Variants in PRKG1 observed in about 807,000 individuals in gnomAD.
PRKG1 encodes the protein cGMP-dependent protein kinase 1.
A neutral mutation model predicts 88.1 loss-of-function variants in PRKG1; 35 were observed. That is an observed-to-expected ratio of 0.40 (90% CI 0.30 to 0.53). The LOEUF is 0.53. PRKG1 is among the 20% of genes least tolerant of loss of function. PRKG1 has a pLI of 0.59. For missense variants in PRKG1, 540 were observed against 839.8 expected (o/e 0.64, Z 4.41); for synonymous variants, 303 against 292.5 (o/e 1.04, Z -0.37).
chr10:51,100,938 A>G (rs1483900201), intron 1 of PRKG1, among the ~76,000 whole-genome samples: 1 of 152,156 alleles, frequency 6.6e-6, no homozygotes, highest in South Asian at 2.1e-4. Context: ...TCTTCTTTCT[A>G]TGCCTCTTGT....
intron 3 of PRKG1, among the ~76,000 whole-genome samples, chr10:51,730,572 A>T (rs1842248275): frequency 6.6e-6 from 1 of 152,162 alleles, no homozygotes; most frequent in Non-Finnish European, 1.5e-5. Flanking sequence ...TATTGCAATA[A>T]ATTAAACTAG....
intron 9 of PRKG1, among the ~76,000 whole-genome samples, chr10:52,235,418 C>T (rs1457656146): frequency 1.4e-5 from 2 of 138,498 alleles, no homozygotes; most frequent in African/African-American, 5.4e-5. Flanking sequence ...ATTCAGGAAA[C>T]CCATCTCACG....
chr10:51,290,227 G>A (rs552721169), intron 2 of PRKG1, among the ~76,000 whole-genome samples: 2 of 152,048 alleles, frequency 1.3e-5, no homozygotes, highest in South Asian at 2.1e-4. Flanking sequence ...AACACAGAGC[G>A]AGATGCTGTC....
intron 4 of PRKG1, among the ~76,000 whole-genome samples, chr10:51,896,793 C>A (rs539522880): frequency 2.6e-5 from 4 of 151,766 alleles, no homozygotes; most frequent in African/African-American, 9.7e-5. Context: ...ACCCAGTATA[C>A]AATTCTCCAG....
At chr10:51,168,570 A>G (rs1026581591) in intron 2 of PRKG1, among the ~76,000 whole-genome samples, 4 of 152,194 alleles carry the variant, frequency 2.6e-5, no homozygotes, top group Admixed American at 6.5e-5. Flanking sequence ...ATTTAATAGC[A>G]TAAGGAAGTC....
In PRKG1 at chr10:51,146,013, G is replaced by GA. The variant is rs1845938114; in HGVS notation, c.312-7145dup. On this transcript the variant is annotated intron_variant, in intron 1 of 17. Coordinates refer to ENST00000373980, the MANE Select transcript of PRKG1 (RefSeq NM_006258.4). ...GAAACCCCGTTTCTACTAAAAATAC[G>GA]AAAAAACAAACAAACAAACAAAAAA... Among the ~76,000 whole-genome samples, 4 of 151,462 alleles carry GA rather than the reference G, an allele frequency of 2.6e-5. No homozygotes were observed. In the South Asian group the frequency reaches 8.4e-4, roughly 32 times the overall value.
intron 3 of PRKG1, among the ~76,000 whole-genome samples, chr10:51,725,176 A>G (rs1303270137): frequency 6.6e-6 from 1 of 152,192 alleles, no homozygotes; most frequent in Non-Finnish European, 1.5e-5. Flanking sequence ...TCAAGGTGTT[A>G]CCAATAGTTT....
At chr10:51,510,744 ATTTT>A (rs71459420) in intron 3 of PRKG1, among the ~76,000 whole-genome samples, 1 of 134,184 alleles carries the variant, frequency 7.5e-6, no homozygotes, top group Non-Finnish European at 1.6e-5. Flanking sequence ...GCATTGTACT[ATTTT>A]TTTTTTTTTT....
At chr10:51,634,306 G>C (rs561348849) in intron 3 of PRKG1, among the ~76,000 whole-genome samples, 28 of 152,094 alleles carry the variant, frequency 1.8e-4, no homozygotes, top group Non-Finnish European at 3.7e-4. Flanking sequence ...TACATTGTGG[G>C]CTTTGCTAAG....
intron 7 of PRKG1, among the ~76,000 whole-genome samples, chr10:52,085,636 C>T (rs1186329605): frequency 6.6e-6 from 1 of 152,022 alleles, no homozygotes; most frequent in Non-Finnish European, 1.5e-5. Flanking sequence ...GCTATAAGAG[C>T]CCTGATTCTT....
At chr10:51,323,516 A>T (rs1841506682) in intron 2 of PRKG1, among the ~76,000 whole-genome samples, 3 of 152,240 alleles carry the variant, frequency 2.0e-5, no homozygotes, top group Admixed American at 2.0e-4. Context: ...TAATAACTGC[A>T]ATAGATTAAT....
chr10:51,805,124 T>C (rs1185694211), intron 4 of PRKG1, among the ~76,000 whole-genome samples: 2 of 152,118 alleles, frequency 1.3e-5, no homozygotes, highest in Non-Finnish European at 2.9e-5. Flanking sequence ...TCATCTCTTG[T>C]GTGAGTTTCC....
intron 5 of PRKG1, among the ~76,000 whole-genome samples, chr10:52,000,962 G>A (rs1036261336): frequency 2.0e-5 from 3 of 151,964 alleles, no homozygotes; most frequent in South Asian, 4.1e-4. Context: ...AATTTTTTGA[G>A]TTGTACCCTG....
intron 3 of PRKG1, among the ~76,000 whole-genome samples, chr10:51,468,523 T>A (rs10997657): frequency 0.16 from 24,474 of 151,560 alleles, 2,458 homozygotes; most frequent in Non-Finnish European, 0.22. Flanking sequence ...AAGATTTTTT[T>A]AAAAAAAATC....
chr10:51,513,005 G>A lies in PRKG1; in HGVS notation c.592+45169G>A, dbSNP rs1841462794. On this transcript the variant is annotated intron_variant, in intron 3 of 17. Coordinates refer to ENST00000373980, the MANE Select transcript of PRKG1 (RefSeq NM_006258.4). Reference sequence around the variant, plus strand: ...GCATAAATGTCTTCTTTTGAGAAGTGTCTGTTCATGTCCTTCGCCCACTTT... The same window carrying A: ...GCATAAATGTCTTCTTTTGAGAAGTATCTGTTCATGTCCTTCGCCCACTTT... Among the ~76,000 whole-genome samples, 5 of 148,770 alleles carry A rather than the reference G, an allele frequency of 3.4e-5. No homozygotes were observed. In the South Asian group the frequency reaches 1.1e-3, roughly 32 times the overall value.
chr10:52,100,175 A>T lies in PRKG1; in HGVS notation c.936-33665A>T, dbSNP rs568080550. Among the ~76,000 whole-genome samples the T allele has an allele frequency of 1.1e-3, 172 of 152,280 alleles. 1 individual carries two copies. Among genetic ancestry groups the T allele is most frequent in the African/African-American group, 3.9e-3 (161 of 41,562 alleles). On this transcript the variant is annotated intron_variant, in intron 7 of 17. Coordinates refer to ENST00000373980, the MANE Select transcript of PRKG1 (RefSeq NM_006258.4). ...AGCCTTCTCCCAGCACAGTGAACTC[A>T]TGTAAAGAGACTGGACAGGAATCCC... is the stretch of plus-strand genomic sequence containing the variant.
At chr10:52,284,635 A>G (rs1302611373) in intron 14 of PRKG1, among the ~76,000 whole-genome samples, 1 of 152,076 alleles carries the variant, frequency 6.6e-6, no homozygotes, top group African/African-American at 2.4e-5. Flanking sequence ...GCATGACTCC[A>G]AAGTATTTTG....
At chr10:51,721,519 G>A (rs1842013127) in intron 3 of PRKG1, among the ~76,000 whole-genome samples, 1 of 152,104 alleles carries the variant, frequency 6.6e-6, no homozygotes, top group South Asian at 2.1e-4. Context: ...AAGTGCGGTG[G>A]AAATCCACGT....
chr10:51,530,231 T>A (rs1180439531), intron 3 of PRKG1, among the ~76,000 whole-genome samples: 1 of 152,218 alleles, frequency 6.6e-6, no homozygotes, highest in Non-Finnish European at 1.5e-5. Flanking sequence ...AGAATATCAT[T>A]ATTTATCAGG....
Sources: allele counts gnomAD v4.1 joint callset (sites outside exome capture counted in the v4.1 genomes callset), GRCh38; gene constraint gnomAD v4.1.1; transcripts MANE v1.5; gene names NCBI Gene and HGNC (gene_info 2026-07-23, HGNC 2026-07-21).